ARNT2: variants seen among roughly 807,000 people sequenced by gnomAD.
The protein encoded by ARNT2 is ARNT protein 2.
Under a neutral mutation model 91.7 loss-of-function variants are expected in ARNT2, and 36 were observed. The observed-to-expected ratio is 0.39, with a 90% CI of 0.30 to 0.52. ARNT2 has a LOEUF of 0.52. Among genes scored for constraint, ARNT2 ranks in the 20% least tolerant of loss-of-function variants. The pLI is 0.72. For synonymous variants in ARNT2, 365 were observed against 347.1 expected, an observed-to-expected ratio of 1.05 and a Z score of -0.57; for missense variants, 775 against 939.3, an observed-to-expected ratio of 0.83 and a Z score of 2.29.
chr15:80,506,629 A>G (rs1566989470), intron 5 of ARNT2, among the ~76,000 whole-genome samples: 1 of 152,154 alleles, frequency 6.6e-6, no homozygotes, highest in African/African-American at 2.4e-5. Context: ...CAGGCAGAGG[A>G]CTCACAGGAG....
rs1386185222 is a variant in ARNT2 at position 80,591,008 on chromosome 15, G to T, written c.1919-560G>T. Among the ~76,000 whole-genome samples the T allele has an allele frequency of 6.6e-6, 1 of 152,226 alleles. No individual in the cohort carries two copies. The highest frequency in any genetic ancestry group is 1.5e-5 in the Non-Finnish European group (1 of 68,042). On this transcript the variant is annotated intron_variant, in intron 17 of 18. Coordinates refer to ENST00000303329, the MANE Select transcript of ARNT2 (RefSeq NM_014862.4). The surrounding 1 kb of genome is among the most constrained non-coding windows in gnomAD (Gnocchi z 5.1). ...TGTAGGGGGACCTTGTATAATGCGTGTGTGGCTTCCGAGGAGTTGCTCGGG... is the reference window on the plus strand; with the variant it reads ...TGTAGGGGGACCTTGTATAATGCGTTTGTGGCTTCCGAGGAGTTGCTCGGG...
intron 1 of ARNT2, among the ~76,000 whole-genome samples, chr15:80,413,508 T>C (rs1021093178): frequency 2.0e-5 from 3 of 152,238 alleles, no homozygotes; most frequent in African/African-American, 7.2e-5. Context: ...CTGTTTCAAA[T>C]GCACATTCAG....
At chr15:80,565,832 C>G (rs1245804175) in intron 12 of ARNT2, among the ~76,000 whole-genome samples, 1 of 150,804 alleles carries the variant, frequency 6.6e-6, no homozygotes, top group East Asian at 1.9e-4. Context: ...TGTAGATTGT[C>G]TGTTTACTCT....
intron 1 of ARNT2, among the ~76,000 whole-genome samples, chr15:80,446,435 T>C (rs1896305492): frequency 1.3e-5 from 2 of 152,130 alleles, no homozygotes; most frequent in Non-Finnish European, 1.5e-5. Flanking sequence ...AGCATGAACA[T>C]GTCCTACGTG....
chr15:80,482,701 G>C (rs976581657), intron 5 of ARNT2, among the ~76,000 whole-genome samples: 1 of 152,182 alleles, frequency 6.6e-6, no homozygotes, highest in African/African-American at 2.4e-5. Context: ...CTCGGATGCA[G>C]GGGTCTCTAG....
At chr15:80,489,520 A>C (rs887876994) in intron 5 of ARNT2, among the ~76,000 whole-genome samples, 1 of 152,206 alleles carries the variant, frequency 6.6e-6, no homozygotes, top group African/African-American at 2.4e-5. Context: ...CTGAGCGCAC[A>C]CGTTCTAAGG....
At chr15:80,526,558 G>A (rs1897643409) in intron 8 of ARNT2, among the ~76,000 whole-genome samples, 2 of 152,234 alleles carry the variant, frequency 1.3e-5, no homozygotes, top group Admixed American at 1.3e-4. Flanking sequence ...TGTCTGCACA[G>A]CAGAGCCAAG....
In ARNT2 at chr15:80,404,928, G is replaced by T. The variant is rs955491942; in HGVS notation, c.31+382G>T. 6.6e-6 allele frequency among the ~76,000 whole-genome samples: 1 copy of T among 152,196 alleles called. No homozygotes were observed. The highest frequency in any genetic ancestry group is 1.5e-5 in the Non-Finnish European group (1 of 68,024). The stretch of plus-strand genomic sequence containing the variant: ...GGCATCACGGCGTCAGCCAGTCCTG[G>T]CTGGTGGAGGGCTCCGCGCTGACGG... On this transcript the variant is annotated intron_variant, in intron 1 of 18. Coordinates refer to ENST00000303329, the MANE Select transcript of ARNT2 (RefSeq NM_014862.4). The surrounding 1 kb of genome is among the most constrained non-coding windows in gnomAD (Gnocchi z 5.5).
At chr15:80,579,233 A>G (rs899091144) in intron 15 of ARNT2, among the ~76,000 whole-genome samples, 1 of 152,210 alleles carries the variant, frequency 6.6e-6, no homozygotes, top group Non-Finnish European at 1.5e-5. Context: ...CTACTAGACA[A>G]TAGTGACCAG....
intron 3 of ARNT2, among the ~76,000 whole-genome samples, chr15:80,467,083 A>T (rs533833670): frequency 6.6e-6 from 1 of 152,362 alleles, no homozygotes; most frequent in East Asian, 1.9e-4. Flanking sequence ...CAGTGGTCAC[A>T]GTGACCAGCT....
At chr15:80,537,143 A>G (rs1014290227) in intron 8 of ARNT2, among the ~76,000 whole-genome samples, 8 of 152,174 alleles carry the variant, frequency 5.3e-5, no homozygotes, top group African/African-American at 1.9e-4. Context: ...TCCTGCTCCA[A>G]GGAACCTTCA....
In ARNT2 at chr15:80,457,990, AT is replaced by A; in HGVS notation, c.194+18del. Reference sequence around the variant, plus strand: ...TAAATTTTCAAGGTAAGTTTATTTTATTTTCCTTAGACTTAAAGAAGGCAAT... The same window carrying A: ...TAAATTTTCAAGGTAAGTTTATTTTATTTCCTTAGACTTAAAGAAGGCAAT... On this transcript the variant is annotated intron_variant, in intron 3 of 18. Coordinates refer to ENST00000303329, the MANE Select transcript of ARNT2 (RefSeq NM_014862.4). 6.2e-7 allele frequency: 1 copy of A among 1,611,552 alleles called. No individual in the cohort carries two copies. Among genetic ancestry groups the A allele is most frequent in the Non-Finnish European group, 8.5e-7 (1 of 1,177,862 alleles).
intron 1 of ARNT2, among the ~76,000 whole-genome samples, chr15:80,450,244 A>T (rs1896365805): frequency 6.6e-6 from 1 of 152,240 alleles, no homozygotes; most frequent in Admixed American, 6.5e-5. Flanking sequence ...TTTATTCCTG[A>T]AAAGGTCCAG....
chr15:80,530,406 C>T (rs986427022), intron 8 of ARNT2, among the ~76,000 whole-genome samples: 2 of 152,148 alleles, frequency 1.3e-5, no homozygotes, highest in African/African-American at 4.8e-5. Flanking sequence ...TGCTCTCCCT[C>T]ACAACATGCC....
intron 18 of ARNT2, among the ~76,000 whole-genome samples, chr15:80,592,553 G>C (rs894855297): frequency 5.9e-5 from 9 of 152,196 alleles, no homozygotes; most frequent in Non-Finnish European, 1.2e-4. Context: ...AAGAATCAGT[G>C]CTCCATATAC....
intron 1 of ARNT2, among the ~76,000 whole-genome samples, chr15:80,408,704 G>A (rs1895639602): frequency 6.6e-6 from 1 of 151,984 alleles, no homozygotes; most frequent in Admixed American, 6.6e-5. Flanking sequence ...TCTATATCCT[G>A]TCCTTCATTG....
chr15:80,411,936 C>T (rs1158162341), intron 1 of ARNT2, among the ~76,000 whole-genome samples: 3 of 152,334 alleles, frequency 2.0e-5, no homozygotes, highest in Admixed American at 6.5e-5. Context: ...CATTTACTGC[C>T]TTCTGTGTTG....
chr15:80,539,007 A>C (rs1364178787), intron 8 of ARNT2, among the ~76,000 whole-genome samples: 1 of 151,998 alleles, frequency 6.6e-6, no homozygotes, highest in Admixed American at 6.6e-5. Context: ...AATTTGAATC[A>C]AAAAAAATTT....
At chr15:80,424,924 G>C (rs958900208) in intron 1 of ARNT2, among the ~76,000 whole-genome samples, 3 of 152,196 alleles carry the variant, frequency 2.0e-5, no homozygotes, top group African/African-American at 7.2e-5. Context: ...AGAATCTGAC[G>C]TGAATTTTAT....
Sources: allele counts gnomAD v4.1 joint callset (sites outside exome capture counted in the v4.1 genomes callset), GRCh38; gene constraint gnomAD v4.1.1; non-coding constraint Gnocchi (gnomAD v3.1); transcripts MANE v1.5; gene names NCBI Gene and HGNC (gene_info 2026-07-23, HGNC 2026-07-21).